The following EPRS1 variants were observed in gnomAD, a reference collection of about 807,000 sequenced individuals.
EPRS1 encodes the protein glutamyl-prolyl-tRNA synthetase 1, also known as bifunctional glutamate/proline--tRNA ligase.
A neutral mutation model predicts 188.3 loss-of-function variants in EPRS1; 107 were observed. The observed-to-expected ratio is 0.57, with a 90% confidence interval of 0.49 to 0.67. The LOEUF (loss-of-function observed/expected upper bound fraction) is 0.67. Ranked by LOEUF, EPRS1 falls within the 30% of genes least tolerant of loss-of-function variation. EPRS1 has a pLI of 0.00. For synonymous variants in EPRS1, 596 were observed against 593.1 expected (o/e 1.00, Z -0.07); for missense variants, 1,577 against 1,802.2 (o/e 0.88, Z 2.26).
chr1:220,003,545 G>A (rs959092965), intron 16 of EPRS1, among the ~76,000 whole-genome samples: 1 of 152,192 alleles, frequency 6.6e-6, no homozygotes, highest in Admixed American at 6.5e-5. Context: ...CTTACATTTA[G>A]GTCTTTGATA....
chr1:220,033,371 T>C (rs1360651261), intron 4 of EPRS1, 131 bp downstream of exon 4: 2 of 569,838 alleles, frequency 3.5e-6, no homozygotes, highest in Non-Finnish European at 3.0e-6. Context: ...TGTAATAAAG[T>C]CCTAAGTTAC....
intron 4 of EPRS1, 86 bp downstream of exon 4, chr1:220,033,416 C>T: frequency 4.4e-6 from 4 of 917,024 alleles, no homozygotes; most frequent in Non-Finnish European, 5.1e-6. Flanking sequence ...CATATACATA[C>T]ATGCATACAC....
chr1:220,005,817 GT>G (rs765781858), intron 15 of EPRS1, among the ~76,000 whole-genome samples: 33 of 119,644 alleles, frequency 2.8e-4, no homozygotes, highest in Admixed American at 7.7e-4. Flanking sequence ...TACTTACATC[GT>G]TTTTTTTTTT....
chr1:220,039,121 C>G (rs1458181177), intron 2 of EPRS1, among the ~76,000 whole-genome samples: 1 of 152,172 alleles, frequency 6.6e-6, no homozygotes, highest in Non-Finnish European at 1.5e-5. Flanking sequence ...CTTCTAAGGC[C>G]TCTCAGCATG....
chr1:219,973,505 C>T (rs1173382508), intron 28 of EPRS1, 107 bp from the exon 29 acceptor site: 7 of 593,146 alleles, frequency 1.2e-5, no homozygotes, highest in African/African-American at 2.4e-5. Flanking sequence ...ACCCAAAAAA[C>T]AAAGGCAAAG....
intron 18 of EPRS1, among the ~76,000 whole-genome samples, chr1:219,992,855 A>G (rs543513303): frequency 5.9e-5 from 9 of 152,260 alleles, no homozygotes; most frequent in African/African-American, 2.2e-4. Flanking sequence ...TGAACCCAGG[A>G]GGCGGAGGCG....
intron 18 of EPRS1, among the ~76,000 whole-genome samples, chr1:219,994,128 C>T (rs10863523): frequency 0.16 from 23,721 of 152,100 alleles, 3,216 homozygotes; most frequent in African/African-American, 0.35. Context: ...AAAACATGAT[C>T]CCCAGCCGAA....
chr1:219,984,238 T>G lies in EPRS1; in HGVS notation c.3058A>C (p.Lys1020Gln). The change falls in exon 21 of 32, where the codon AAA becomes CAA. Residue 1020 changes from lysine to glutamine, a missense_variant. This residue lies in a region of EPRS1 where 1,278 missense variants were observed against 1,457.4 expected (regional missense o/e 0.88). Coordinates refer to ENST00000366923, the MANE Select transcript of EPRS1 (RefSeq NM_004446.3). ...TACCAATCAGCAAGATTTTCTTCTT[T>G]TTTTGCCTCAAGACCCAACCTGCAG... ...KQTRLGLEAK[K>Q]EENLADWYSQ... 1 of 1,613,676 alleles carries G rather than the reference T, an allele frequency of 6.2e-7. No homozygotes were observed. The highest frequency in any genetic ancestry group is 8.5e-7 in the Non-Finnish European group (1 of 1,179,634).
chr1:220,041,804 C>T (rs1662300211), intron 1 of EPRS1, among the ~76,000 whole-genome samples: 1 of 151,728 alleles, frequency 6.6e-6, no homozygotes, highest in Non-Finnish European at 1.5e-5. Flanking sequence ...TGCACTATTG[C>T]ACTCCAGCCT....
rs141613987 is a variant in EPRS1 at position 220,007,204 on chromosome 1, G to A, written c.1740C>T (p.His580=). Reference sequence around the variant, plus strand: ...GAAAACAAACAAAAAGTTCTTACTTGTGTATTTTTGTAATGTTGAGGTTGC... The same window carrying A: ...GAAAACAAACAAAAAGTTCTTACTTATGTATTTTTGTAATGTTGAGGTTGC... ...NWGNLNITKI[H]KNADGKIISL... The change falls in exon 14 of 32, where the codon CAC becomes CAT. Residue 580 remains histidine (H), a splice_region_variant and synonymous_variant. Transcript: ENST00000366923. The A allele has an allele frequency of 1.9e-6, 3 of 1,607,690 alleles. No homozygotes were observed. In the African/African-American group the frequency reaches 4.0e-5, roughly 22 times the overall value.
At chr1:219,981,643 A>T (rs947744270) in intron 23 of EPRS1, among the ~76,000 whole-genome samples, 186 bp from the exon 24 acceptor site, 1 of 152,274 alleles carries the variant, frequency 6.6e-6, no homozygotes, top group African/African-American at 2.4e-5. Context: ...TATCTATTTC[A>T]TGAAGTGTAT....
At chr1:220,007,476 A>G in intron 13 of EPRS1, 138 bp from the exon 14 acceptor site, 1 of 694,068 alleles carries the variant, frequency 1.4e-6, no homozygotes, top group Non-Finnish European at 2.3e-6. Flanking sequence ...TCATTGCTGT[A>G]TTAGGAAGAA....
chr1:220,019,681 T>G (rs898118065), intron 10 of EPRS1, among the ~76,000 whole-genome samples: 1 of 152,120 alleles, frequency 6.6e-6, no homozygotes, highest in Non-Finnish European at 1.5e-5. Flanking sequence ...TAGAGATCAG[T>G]AACCAAATAT....
intron 18 of EPRS1, among the ~76,000 whole-genome samples, chr1:219,990,240 T>C (rs1661094262): frequency 6.6e-6 from 1 of 152,054 alleles, no homozygotes; most frequent in Non-Finnish European, 1.5e-5. Flanking sequence ...AAGCTATGTA[T>C]TCATATATTT....
chr1:220,011,931 C>T (rs968772916), intron 12 of EPRS1, among the ~76,000 whole-genome samples: 6 of 152,122 alleles, frequency 3.9e-5, no homozygotes, highest in African/African-American at 1.4e-4. Context: ...TATTTTTTCT[C>T]ATTAGAAGAA....
At chr1:219,990,561 G>A (rs1661100719) in intron 18 of EPRS1, among the ~76,000 whole-genome samples, 1 of 152,122 alleles carries the variant, frequency 6.6e-6, no homozygotes, top group African/African-American at 2.4e-5. Flanking sequence ...TACACAATAA[G>A]TAGTAGAGCT....
chr1:219,991,468 G>A (rs1266959332), intron 18 of EPRS1, among the ~76,000 whole-genome samples: 1 of 152,168 alleles, frequency 6.6e-6, no homozygotes, highest in African/African-American at 2.4e-5. Flanking sequence ...ACTTGGTTGG[G>A]AGGGGGATGA....
Position 220,030,399 on chromosome 1 carries a change from G to A in EPRS1, c.610C>T (p.Pro204Ser). The change falls in exon 6 of 32, where the codon CCA (proline) becomes TCA (serine). Residue 204 changes from proline to serine, a missense_variant. By Grantham distance (74) the Pro-to-Ser change is moderately conservative. Transcript: ENST00000366923. ...EMGKVTVRFP[P>S]EASGYLHIGH... The stretch of plus-strand genomic sequence containing the variant: ...ACATTTTCTTACCCACTGGCCTCTG[G>A]AGGAAATCTGACGGTAACCTTTCCC... The A allele has an allele frequency of 6.2e-7, 1 of 1,612,410 alleles. No homozygotes were observed.
chr1:219,993,936 T>C (rs546669726), intron 18 of EPRS1, among the ~76,000 whole-genome samples: 3 of 152,336 alleles, frequency 2.0e-5, no homozygotes, highest in South Asian at 4.1e-4. Context: ...CTAAAAAGTG[T>C]ATAGTACACA....
Sources: allele counts gnomAD v4.1 joint callset (sites outside exome capture counted in the v4.1 genomes callset), GRCh38; gene constraint gnomAD v4.1.1; regional missense constraint gnomAD v4.1.1; transcripts MANE v1.5; gene names NCBI Gene and HGNC (gene_info 2026-07-23, HGNC 2026-07-21).